THSD7B: variants seen among roughly 807,000 people sequenced by gnomAD.
THSD7B encodes the protein thrombospondin type 1 domain containing 7B.
Under a neutral mutation model 213.6 loss-of-function variants are expected in THSD7B, and 138 were observed. The ratio of observed to expected loss-of-function variants is 0.65; its 90% CI spans 0.56 to 0.74. The LOEUF (loss-of-function observed/expected upper bound fraction) is 0.74. Among genes scored for constraint, THSD7B ranks in the 30% least tolerant of loss-of-function variants. The pLI is 0.00. For synonymous variants in THSD7B, 742 were observed against 687.0 expected, an observed-to-expected ratio of 1.08 and a Z score of -1.25; for missense variants, 1,931 against 1,991.5, an observed-to-expected ratio of 0.97 and a Z score of 0.58.
intron 2 of THSD7B, among the ~76,000 whole-genome samples, chr2:137,011,161 G>A (rs1686224424): frequency 6.6e-6 from 1 of 152,106 alleles, no homozygotes. Flanking sequence ...AGATCATTTT[G>A]CTTTGAAATA....
chr2:137,411,842 C>T lies in THSD7B; in HGVS notation c.2929C>T (p.Pro977Ser), dbSNP rs1236869149. 1.9e-6 allele frequency: 3 copies of T among 1,613,864 alleles called. No homozygotes were observed. The highest frequency in any genetic ancestry group is 1.3e-5 in the African/African-American group (1 of 74,920). The change falls in exon 14 of 28, where the codon CCT becomes TCT. Residue 977 changes from proline (P) to serine (S), a missense_variant. Transcript: ENST00000409968. ...AVACSDKNGR[P>S]VDPSFCSSSG... ...AGCCTGTTCTGATAAAAATGGAAGA[C>T]CTGTTGACCCCTCCTTCTGCAGCAG...
chr2:137,558,294 C>T (rs971642972), intron 15 of THSD7B, among the ~76,000 whole-genome samples: 1 of 152,170 alleles, frequency 6.6e-6, no homozygotes, highest in African/African-American at 2.4e-5. Flanking sequence ...CCCTGATGAA[C>T]ATCGATGCAA....
intron 2 of THSD7B, among the ~76,000 whole-genome samples, chr2:136,970,171 A>T (rs1685381481): frequency 6.6e-6 from 1 of 152,176 alleles, no homozygotes; most frequent in Admixed American, 6.5e-5. Flanking sequence ...TGGAAGGTAA[A>T]GTAGAGGAAT....
intron 12 of THSD7B, among the ~76,000 whole-genome samples, chr2:137,377,265 A>G (rs1169275796): frequency 1.3e-5 from 2 of 152,212 alleles, no homozygotes; most frequent in Non-Finnish European, 2.9e-5. Flanking sequence ...TAAATATGAC[A>G]TTGCAGAAAG....
At chr2:137,512,158 A>G (rs1236388723) in intron 15 of THSD7B, 1 of 152,138 alleles carries the variant, frequency 6.6e-6, no homozygotes, top group African/African-American at 2.4e-5. Flanking sequence ...GCCCAACCCT[A>G]CTTAGCTTCC....
At chr2:137,313,886 T>A (rs1684000212) in intron 12 of THSD7B, among the ~76,000 whole-genome samples, 1 of 152,260 alleles carries the variant, frequency 6.6e-6, no homozygotes, top group Admixed American at 6.5e-5. Flanking sequence ...GCTGTTAGTC[T>A]GATGGGCTTC....
intron 7 of THSD7B, among the ~76,000 whole-genome samples, chr2:137,180,154 T>A (rs1680428340): frequency 1.3e-5 from 2 of 152,128 alleles, no homozygotes; most frequent in African/African-American, 4.8e-5. Context: ...TATAACAGGA[T>A]ATGTAGCTTC....
intron 15 of THSD7B, among the ~76,000 whole-genome samples, chr2:137,542,790 C>A (rs1680632867): frequency 6.6e-6 from 1 of 151,728 alleles, no homozygotes; most frequent in African/African-American, 2.4e-5. Context: ...GCTCAATAAT[C>A]ACAATCGTGT....
chr2:137,415,123 C>T (rs971125364), intron 14 of THSD7B, among the ~76,000 whole-genome samples: 1 of 151,776 alleles, frequency 6.6e-6, no homozygotes, highest in East Asian at 1.9e-4. Context: ...ATCTGGATCT[C>T]CCAATAAGAA....
intron 15 of THSD7B, among the ~76,000 whole-genome samples, chr2:137,525,329 C>A (rs1474961381): frequency 6.6e-6 from 1 of 152,146 alleles, no homozygotes; most frequent in Non-Finnish European, 1.5e-5. Flanking sequence ...AATCACTGCC[C>A]CAGATCATAA....
chr2:137,017,031 T>C lies in THSD7B; in HGVS notation c.140-39389T>C, dbSNP rs898919558. Among the ~76,000 whole-genome samples the C allele has an allele frequency of 3.9e-5, 6 of 152,262 alleles. No individual in the cohort carries two copies. In the South Asian group the frequency reaches 8.3e-4, roughly 21 times the overall value. On this transcript the variant is annotated intron_variant, in intron 2 of 27. Coordinates refer to ENST00000409968, the MANE Select transcript of THSD7B (RefSeq NM_001316349.2). ...GTAAATAGGAATTTACCCTGAAGAA[T>C]AAACAATATAATATTCAGTACAAGT...
intron 1 of THSD7B, among the ~76,000 whole-genome samples, chr2:136,844,472 G>C (rs1198789850): frequency 6.7e-6 from 1 of 148,832 alleles, no homozygotes; most frequent in Non-Finnish European, 1.5e-5. Flanking sequence ...CAGAGAGAGA[G>C]AGAGAGAGAG....
intron 2 of THSD7B, among the ~76,000 whole-genome samples, chr2:136,923,568 C>G (rs504220): frequency 0.42 from 63,126 of 152,048 alleles, 15,059 homozygotes; most frequent in Non-Finnish European, 0.55. Context: ...TTTTACATCT[C>G]AACCAAAATC....
chr2:137,178,185 A>AT, intron 7 of THSD7B, among the ~76,000 whole-genome samples: 1 of 145,872 alleles, frequency 6.9e-6, no homozygotes. Flanking sequence ...GCAGTGAGTA[A>AT]ATTTTTTTTT....
chr2:137,168,813 A>G (rs535821660), intron 6 of THSD7B, among the ~76,000 whole-genome samples: 2 of 152,290 alleles, frequency 1.3e-5, no homozygotes, highest in East Asian at 1.9e-4. Flanking sequence ...GATGTTACAT[A>G]TAAGAATAGA....
intron 12 of THSD7B, among the ~76,000 whole-genome samples, chr2:137,289,943 C>G (rs895592140): frequency 6.6e-6 from 1 of 151,810 alleles, no homozygotes; most frequent in Non-Finnish European, 1.5e-5. Flanking sequence ...TTTCTTTCTT[C>G]TAAACTCCAG....
intron 17 of THSD7B, among the ~76,000 whole-genome samples, chr2:137,582,343 C>T (rs1681599021): frequency 6.6e-6 from 1 of 151,712 alleles, no homozygotes; most frequent in South Asian, 2.1e-4. Flanking sequence ...AGTTATTTGA[C>T]TTTTTTATTA....
chr2:137,309,128 C>A (rs540891897), intron 12 of THSD7B, among the ~76,000 whole-genome samples: 1 of 151,872 alleles, frequency 6.6e-6, no homozygotes, highest in African/African-American at 2.4e-5. Flanking sequence ...TAGGACAGTG[C>A]CTCATTCTTC....
In THSD7B at chr2:137,310,705, T is replaced by A. The variant is rs1160613821; in HGVS notation, c.2500+34679T>A. Among the ~76,000 whole-genome samples, 6 of 152,098 alleles carry A rather than the reference T, an allele frequency of 3.9e-5. 1 individual carries two copies. ...TATAAGGCATAAGGAAGGGATCCAG[T>A]TTCAGCTTTCTACATATGGCTAGCC... On this transcript the variant is annotated intron_variant, in intron 12 of 27. Coordinates refer to ENST00000409968, the MANE Select transcript of THSD7B (RefSeq NM_001316349.2).
Sources: gnomAD v4.1 joint callset for allele counts (sites outside exome capture counted in the v4.1 genomes callset) on GRCh38, gnomAD v4.1.1 for gene constraint, MANE v1.5 for transcripts, NCBI Gene and HGNC (gene_info 2026-07-23, HGNC 2026-07-21) for gene names.